Variants in PIEZO2 observed in about 807,000 individuals in gnomAD.
PIEZO2 encodes piezo type mechanosensitive ion channel component 2.
Under a neutral mutation model 337.3 loss-of-function variants are expected in PIEZO2, and 172 were observed. The observed-to-expected ratio is 0.51, with a 90% CI of 0.45 to 0.58. The LOEUF (loss-of-function observed/expected upper bound fraction) is 0.58. Among genes scored for constraint, PIEZO2 ranks in the 20% least tolerant of loss-of-function variants. PIEZO2 has a pLI of 0.00. For missense variants in PIEZO2, 3,028 were observed against 3,391.3 expected (o/e 0.89, Z 2.66); for synonymous variants, 1,251 against 1,228.5 (o/e 1.02, Z -0.38).
chr18:10,696,773 C>A (rs1396502418), intron 45 of PIEZO2, among the ~76,000 whole-genome samples: 29 of 152,232 alleles, frequency 1.9e-4, no homozygotes, highest in Non-Finnish European at 1.3e-4. Flanking sequence ...GATGGCACCA[C>A]AGCCCTCTCC....
intron 14 of PIEZO2, among the ~76,000 whole-genome samples, chr18:10,789,704 A>G (rs756015163): frequency 1.3e-5 from 2 of 152,232 alleles, no homozygotes; most frequent in Non-Finnish European, 2.9e-5. Flanking sequence ...GACTATATCA[A>G]TTTCAAATTC....
At chr18:10,799,862 A>C (rs1350668447) in intron 11 of PIEZO2, among the ~76,000 whole-genome samples, 1 of 151,844 alleles carries the variant, frequency 6.6e-6, no homozygotes, top group Non-Finnish European at 1.5e-5. Context: ...AGTCCCAACT[A>C]CTAGGGAGGC....
rs545601956 is a variant in PIEZO2, at chr18:10,943,991, G to T, written c.287-32763C>A. Among the ~76,000 whole-genome samples the T allele has an allele frequency of 1.3e-5, 2 of 152,086 alleles. No homozygotes were observed. The highest frequency in any genetic ancestry group is 1.3e-4 in the Admixed American group (2 of 15,248). ...GACTTCCTCCTACTTGCCTTCTGCC[G>T]TAATTGTGAGGCCTCCCCAGCCATG... On this transcript the variant is annotated intron_variant, in intron 3 of 55. Transcript: ENST00000674853. The surrounding 1 kb of genome is among the most constrained non-coding windows in gnomAD (Gnocchi z 4.5).
chr18:11,086,302 T>C (rs943490858), intron 1 of PIEZO2, among the ~76,000 whole-genome samples: 14 of 151,968 alleles, frequency 9.2e-5, no homozygotes, highest in Non-Finnish European at 1.5e-4. Flanking sequence ...AGGCAGATCA[T>C]GAGGTCAGGA....
At position 11,146,840 on chromosome 18, in the gene PIEZO2, G is replaced by A. The variant is rs1274350518; in HGVS notation, c.64+1685C>T. ...GGAGAGCGGGATGGGGGATGGGGAA[G>A]AGGGTGTCCATCCTCCAGGAACAGT... On this transcript the variant is annotated intron_variant, in intron 1 of 55. Coordinates refer to ENST00000674853, the MANE Select transcript of PIEZO2 (RefSeq NM_001378183.1). This position sits in a 1 kb window ranked among gnomAD's most constrained non-coding sequence, Gnocchi z 6.1. 6.6e-6 allele frequency among the ~76,000 whole-genome samples: 1 copy of A among 152,192 alleles called. No individual in the cohort carries two copies. Among genetic ancestry groups the A allele is most frequent in the African/African-American group, 2.4e-5 (1 of 41,460 alleles).
At position 10,682,880 on chromosome 18, in the gene PIEZO2, G is replaced by A. The variant is rs1386052905; in HGVS notation, c.7498-588C>T. Among the ~76,000 whole-genome samples the A allele has an allele frequency of 6.6e-6, 1 of 152,202 alleles. No individual in the cohort carries two copies. The highest frequency in any genetic ancestry group is 1.5e-5 in the Non-Finnish European group (1 of 68,034). ...GGGGAGAGGGCAGGTGCGTGTTGCAGGGGCTCACTCTCCTACAGGAGCCTG... is the reference window on the plus strand; with the variant it reads ...GGGGAGAGGGCAGGTGCGTGTTGCAAGGGCTCACTCTCCTACAGGAGCCTG... On this transcript the variant is annotated intron_variant, in intron 49 of 55. Coordinates refer to ENST00000674853, the MANE Select transcript of PIEZO2 (RefSeq NM_001378183.1). The surrounding 1 kb of genome is among the most constrained non-coding windows in gnomAD (Gnocchi z 5.6).
intron 7 of PIEZO2, among the ~76,000 whole-genome samples, chr18:10,839,211 A>T (rs2041113909): frequency 6.6e-6 from 1 of 152,218 alleles, no homozygotes; most frequent in Admixed American, 6.5e-5. Flanking sequence ...GCCTCAAATC[A>T]TCCCACTGCC....
Position 11,148,460 on chromosome 18 carries a change from A to C in PIEZO2, c.64+65T>G, listed in dbSNP as rs1380746707. ...CACCAGAGCCCTTCACTTTGTTAAG[A>C]AGTCCCCCACCCAGGCGCCCCCCTC... On this transcript the variant is annotated intron_variant, in intron 1 of 55. Transcript: ENST00000674853. This position sits in a 1 kb window ranked among gnomAD's most constrained non-coding sequence, Gnocchi z 5.2. The C allele has an allele frequency of 6.7e-7, 1 of 1,501,726 alleles. No individual in the cohort carries two copies. Among genetic ancestry groups the C allele is most frequent in the Non-Finnish European group, 9.0e-7 (1 of 1,115,156 alleles). The allele number at this position is 1,501,726 out of a possible 1,614,324, so 93.0% of individuals were successfully genotyped here. A position where few individuals can be genotyped will look rare whatever the true frequency, so the allele number is the denominator to read the frequency against.
intron 3 of PIEZO2, among the ~76,000 whole-genome samples, chr18:10,949,881 A>G (rs1235263827): frequency 6.6e-6 from 1 of 152,232 alleles, no homozygotes; most frequent in African/African-American, 2.4e-5. Context: ...ACCGATAAGC[A>G]GAAGGCAGCC....
rs116658424 is a variant in PIEZO2, at chr18:11,102,595, G to C, written c.65-36373C>G. 3.2e-3 allele frequency among the ~76,000 whole-genome samples: 487 copies of C among 152,332 alleles called. 1 individual carries two copies. The highest frequency in any genetic ancestry group is 0.011 in the African/African-American group (453 of 41,572). ...TGCCAGCTTGTTTTGCGTCTGGCTTGGATCATCTCTGACACTTGCTCTCCC... is the reference window on the plus strand; with the variant it reads ...TGCCAGCTTGTTTTGCGTCTGGCTTCGATCATCTCTGACACTTGCTCTCCC... On this transcript the variant is annotated intron_variant, in intron 1 of 55. Coordinates refer to ENST00000674853, the MANE Select transcript of PIEZO2 (RefSeq NM_001378183.1). The surrounding 1 kb of genome is among the most constrained non-coding windows in gnomAD (Gnocchi z 5.7).
At position 10,670,519 on chromosome 18, in the gene PIEZO2, C is replaced by T. The variant is rs553449785; in HGVS notation, c.*1008G>A. The T allele has an allele frequency of 3.3e-5, 5 of 152,236 alleles. No individual in the cohort carries two copies. Among genetic ancestry groups the T allele is most frequent in the Admixed American group, 3.3e-4 (5 of 15,290 alleles). The allele number at this position is 152,236 out of a possible 1,614,324, so 9.4% of individuals were successfully genotyped here. ...TTCATAATTATGAACTTAAAAAACC[C>T]GTCTCAGATGTAAAAATGTGAATTG... On this transcript the variant is annotated 3_prime_UTR_variant, in exon 56 of 56. Transcript: ENST00000674853.
rs112638670 is a variant in PIEZO2 at position 10,993,529 on chromosome 18, T to C, written c.161-13869A>G. ...GATTACGTTTTTGTTGTTGTTGTTG[T>C]TGTTGTTGTTGTTTTGAGGCGGAGT... On this transcript the variant is annotated intron_variant, in intron 2 of 55. Coordinates refer to ENST00000674853, the MANE Select transcript of PIEZO2 (RefSeq NM_001378183.1). This position sits in a 1 kb window ranked among gnomAD's most constrained non-coding sequence, Gnocchi z 5.0. 2.0e-5 allele frequency among the ~76,000 whole-genome samples: 3 copies of C among 146,546 alleles called. No homozygotes were observed. Among genetic ancestry groups the C allele is most frequent in the African/African-American group, 8.0e-5 (3 of 37,284 alleles).
In PIEZO2 at chr18:10,750,311, A is replaced by G. The variant is rs772467747; in HGVS notation, c.4168-124T>C. On this transcript the variant is annotated intron_variant, in intron 28 of 55. Coordinates refer to ENST00000674853, the MANE Select transcript of PIEZO2 (RefSeq NM_001378183.1). The surrounding 1 kb of genome is among the most constrained non-coding windows in gnomAD (Gnocchi z 4.1). ...GTGATAAGGATTCCAGGAGATGCCAATTGTACCTAAAAATTCAGTCACCTT... is the reference window on the plus strand; with the variant it reads ...GTGATAAGGATTCCAGGAGATGCCAGTTGTACCTAAAAATTCAGTCACCTT... 2.8e-4 allele frequency: 187 copies of G among 677,824 alleles called. No individual in the cohort carries two copies. Among genetic ancestry groups the G allele is most frequent in the Middle Eastern group, 4.9e-4 (2 of 4,068 alleles). The allele number at this position is 677,824 out of a possible 1,614,324, so 42.0% of individuals were successfully genotyped here. A position where few individuals can be genotyped will look rare whatever the true frequency, so the allele number is the denominator to read the frequency against.
intron 1 of PIEZO2, among the ~76,000 whole-genome samples, chr18:11,073,762 ATC>A (rs2038426867): frequency 6.6e-6 from 1 of 152,146 alleles, no homozygotes; most frequent in Non-Finnish European, 1.5e-5. Flanking sequence ...TAAGTGAGTT[ATC>A]TCCATCTAGG....
chr18:10,987,081 A>G (rs946706014), intron 2 of PIEZO2, among the ~76,000 whole-genome samples: 3 of 152,108 alleles, frequency 2.0e-5, no homozygotes, highest in African/African-American at 7.2e-5. Flanking sequence ...TGAAAAATAT[A>G]TCCCATGTTC....
intron 12 of PIEZO2, among the ~76,000 whole-genome samples, chr18:10,796,461 C>T (rs968323563): frequency 9.2e-5 from 14 of 151,900 alleles, no homozygotes; most frequent in East Asian, 3.9e-4. Context: ...CTATCTGAAA[C>T]GAATAAAAGT....
intron 35 of PIEZO2, among the ~76,000 whole-genome samples, chr18:10,733,436 C>T (rs2036865690): frequency 6.8e-6 from 1 of 147,352 alleles, no homozygotes; most frequent in Non-Finnish European, 1.5e-5. Context: ...AAGGCTCTTA[C>T]CAAACTTCCC....
intron 1 of PIEZO2, among the ~76,000 whole-genome samples, chr18:11,118,344 A>T (rs1304993264): frequency 6.6e-6 from 1 of 152,052 alleles, no homozygotes; most frequent in Non-Finnish European, 1.5e-5. Flanking sequence ...TTTCATACTC[A>T]TTTCCTTTTT....
chr18:10,857,300 C>A, intron 5 of PIEZO2, 89 bp from the exon 6 acceptor site: 1 of 1,128,182 alleles, frequency 8.9e-7, no homozygotes, highest in South Asian at 1.4e-5. Context: ...ATGGGTCAGT[C>A]AACGTGGTGA....
Sources: allele counts gnomAD v4.1 joint callset (sites outside exome capture counted in the v4.1 genomes callset), GRCh38; gene constraint gnomAD v4.1.1; non-coding constraint Gnocchi (gnomAD v3.1); transcripts MANE v1.5; gene names NCBI Gene and HGNC (gene_info 2026-07-23, HGNC 2026-07-21).